Variants in ZNF521 observed in about 807,000 individuals in gnomAD.
ZNF521 encodes LYST-interacting protein 3.
In ZNF521, 14 loss-of-function variants were observed where a neutral mutation model predicts 105.5. The observed-to-expected ratio is 0.13, with a 90% CI of 0.09 to 0.21. The LOEUF is 0.21. Among genes scored for constraint, ZNF521 ranks in the 10% least tolerant of loss-of-function variants. The pLI is 1.00. For synonymous variants in ZNF521, 635 were observed against 606.0 expected, an observed-to-expected ratio of 1.05 and a Z score of -0.70; for missense variants, 1,233 against 1,629.7, an observed-to-expected ratio of 0.76 and a Z score of 4.19.
At chr18:25,250,707 A>C (rs1488024253) in intron 3 of ZNF521, among the ~76,000 whole-genome samples, 1 of 152,218 alleles carries the variant, frequency 6.6e-6, no homozygotes, top group Non-Finnish European at 1.5e-5. Context: ...CTGTTGATAT[A>C]TGAATTATAC....
At chr18:25,180,847 A>G (rs149287195) in intron 5 of ZNF521, among the ~76,000 whole-genome samples, 65 of 152,202 alleles carry the variant, frequency 4.3e-4, no homozygotes, top group Middle Eastern at 3.4e-3. Context: ...CAAAACAACA[A>G]CAACAACAAC....
chr18:25,347,176 A>T (rs1914499394), intron 2 of ZNF521, among the ~76,000 whole-genome samples: 1 of 152,216 alleles, frequency 6.6e-6, no homozygotes, highest in Admixed American at 6.5e-5. Flanking sequence ...ATTTTGAGTC[A>T]GGTAATCTAC....
chr18:25,178,046 TA>T (rs1217327824), intron 5 of ZNF521, among the ~76,000 whole-genome samples: 2 of 152,242 alleles, frequency 1.3e-5, no homozygotes, highest in African/African-American at 4.8e-5. Context: ...TGGCATCTAA[TA>T]AATTATCTCT....
At chr18:25,284,109 T>A (rs1220574585) in intron 3 of ZNF521, among the ~76,000 whole-genome samples, 2 of 152,110 alleles carry the variant, frequency 1.3e-5, no homozygotes, top group East Asian at 1.9e-4. Flanking sequence ...TCCCTCCTGA[T>A]AAGGTCAGGT....
chr18:25,287,430 C>A (rs541967217), intron 3 of ZNF521, among the ~76,000 whole-genome samples: 1 of 152,218 alleles, frequency 6.6e-6, no homozygotes, highest in African/African-American at 2.4e-5. Context: ...AACTTTACTG[C>A]ACTTATAAAA....
rs2032916526 is a variant in ZNF521 at position 25,062,301 on chromosome 18, A to G, written c.*411T>C. ...CTTGGATTTAAGCGCTGATATACCT[A>G]AAGAGAAATTCTAGGCTTAAGTGTA... On this transcript the variant is annotated 3_prime_UTR_variant, in exon 8 of 8. Coordinates refer to ENST00000361524, the MANE Select transcript of ZNF521 (RefSeq NM_015461.3). 4.2e-6 allele frequency: 1 copy of G among 236,536 alleles called. No homozygotes were observed. Among genetic ancestry groups the G allele is most frequent in the African/African-American group, 2.2e-5 (1 of 44,764 alleles). 14.7% of individuals were successfully genotyped at this position (236,536 alleles called of 1,614,324 possible). A position where few individuals can be genotyped will look rare whatever the true frequency, so the allele number is the denominator to read the frequency against.
Position 25,113,793 on chromosome 18 carries a change from C to CACACACACACACACACACACACACACAG in ZNF521, c.3659-21713_3659-21712insCTGTGTGTGTGTGTGTGTGTGTGTGTGT, listed in dbSNP as rs1053377440. Among the ~76,000 whole-genome samples, 423 of 147,178 alleles carry CACACACACACACACACACACACACACAG rather than the reference C, an allele frequency of 2.9e-3. 1 individual carries two copies. Among genetic ancestry groups the CACACACACACACACACACACACACACAG allele is most frequent in the Middle Eastern group, 0.019 (5 of 266 alleles). On this transcript the variant is annotated intron_variant, in intron 5 of 7. Transcript: ENST00000361524. The stretch of plus-strand genomic sequence containing the variant: ...ACACACACACACACACACACACACA[C>CACACACACACACACACACACACACACAG]AGAGACGGGGGAGAGAGCAGGGCCT...
In ZNF521 at chr18:25,342,113, A is replaced by T. The variant is rs116099128; in HGVS notation, c.40+8794T>A. ...GCTCTGCAACCATTTCCCTACAAGC[A>T]CTAGTATCCAAGTCACAATACTTAT... On this transcript the variant is annotated intron_variant, in intron 2 of 7. Coordinates refer to ENST00000361524, the MANE Select transcript of ZNF521 (RefSeq NM_015461.3). 7.0e-3 allele frequency among the ~76,000 whole-genome samples: 1,073 copies of T among 152,308 alleles called. 12 individuals carry two copies. The highest frequency in any genetic ancestry group is 0.024 in the African/African-American group (999 of 41,570).
Position 25,085,940 on chromosome 18 carries a change from A to G in ZNF521, c.3906+3525T>C, listed in dbSNP as rs183389065. Among the ~76,000 whole-genome samples the G allele has an allele frequency of 2.6e-5, 4 of 152,184 alleles. No homozygotes were observed. The East Asian group carries it at 7.7e-4, about 29-fold the overall frequency. On this transcript the variant is annotated intron_variant, in intron 7 of 7. Coordinates refer to ENST00000361524, the MANE Select transcript of ZNF521 (RefSeq NM_015461.3). ...AGAATGCTTATCCTAAACTTAACCT[A>G]TTATTCTCACCTTGATAGAAAAGCC... is the stretch of plus-strand genomic sequence containing the variant.
At chr18:25,165,562 T>A in intron 5 of ZNF521, among the ~76,000 whole-genome samples, 1 of 152,334 alleles carries the variant, frequency 6.6e-6, no homozygotes, top group South Asian at 2.1e-4. Flanking sequence ...GATGCTTGCT[T>A]GATACAGTGG....
At chr18:25,244,021 T>C (rs948889944) in intron 3 of ZNF521, among the ~76,000 whole-genome samples, 24 of 152,142 alleles carry the variant, frequency 1.6e-4, no homozygotes, top group African/African-American at 5.8e-4. Flanking sequence ...CAAACTTACA[T>C]GTGACACAGA....
chr18:25,146,035 G>T (rs1278716141), intron 5 of ZNF521, among the ~76,000 whole-genome samples: 1 of 152,076 alleles, frequency 6.6e-6, no homozygotes, highest in African/African-American at 2.4e-5. Flanking sequence ...GTTTTTAATA[G>T]ATTATTTTAC....
chr18:25,075,908 G>C lies in ZNF521; in HGVS notation c.3907-13167C>G, dbSNP rs148146552. On this transcript the variant is annotated intron_variant, in intron 7 of 7. Transcript: ENST00000361524. ...GGCTAGATTCCTAAGCTGCAATGCAGTGTGTGTCAGAACACACATCATTTC... is the reference window on the plus strand; with the variant it reads ...GGCTAGATTCCTAAGCTGCAATGCACTGTGTGTCAGAACACACATCATTTC... 4.6e-5 allele frequency among the ~76,000 whole-genome samples: 7 copies of C among 152,188 alleles called. No individual in the cohort carries two copies. The South Asian group carries it at 8.3e-4, about 18-fold the overall frequency.
chr18:25,271,642 A>T (rs920848183), intron 3 of ZNF521, among the ~76,000 whole-genome samples: 12 of 152,202 alleles, frequency 7.9e-5, no homozygotes, highest in African/African-American at 2.9e-4. Flanking sequence ...ATCTTTGACA[A>T]ACCTGACAAA....
chr18:25,188,277 G>A (rs1568000808), intron 5 of ZNF521, among the ~76,000 whole-genome samples: 1 of 152,238 alleles, frequency 6.6e-6, no homozygotes, highest in Non-Finnish European at 1.5e-5. Flanking sequence ...GGTGACCTAC[G>A]AAACCCCATC....
chr18:25,225,938 C>T lies in ZNF521; in HGVS notation c.1980G>A (p.Val660=). The stretch of plus-strand genomic sequence containing the variant: ...ACTGAGGACAGGTCAATTTTGGAAG[C>T]ACAGTGTCGAGATGAGTTTTTAGGT... ...QTHLKTHLDT[V]LPKLTCPQCN... The change falls in exon 4 of 8, where the codon GTG becomes GTA. Residue 660 remains valine, a synonymous_variant. Coordinates refer to ENST00000361524, the MANE Select transcript of ZNF521 (RefSeq NM_015461.3). The surrounding 1 kb of genome is among the most constrained non-coding windows in gnomAD (Gnocchi z 5.6). 1 of 1,614,056 alleles carries T rather than the reference C, an allele frequency of 6.2e-7. No homozygotes were observed. Among genetic ancestry groups the T allele is most frequent in the Non-Finnish European group, 8.5e-7 (1 of 1,180,016 alleles).
At chr18:25,255,996 G>C (rs551504286) in intron 3 of ZNF521, among the ~76,000 whole-genome samples, 11 of 144,344 alleles carry the variant, frequency 7.6e-5, no homozygotes, top group Admixed American at 3.5e-4. Flanking sequence ...GTATATATAT[G>C]GTATATATAT....
intron 5 of ZNF521, among the ~76,000 whole-genome samples, chr18:25,105,670 G>A (rs1567963673): frequency 6.6e-6 from 1 of 152,132 alleles, no homozygotes; most frequent in Non-Finnish European, 1.5e-5. Context: ...GTCCTAGGAA[G>A]AGCTTTACTG....
intron 3 of ZNF521, among the ~76,000 whole-genome samples, chr18:25,277,197 AG>A (rs1910090080): frequency 6.6e-6 from 1 of 151,946 alleles, no homozygotes; most frequent in African/African-American, 2.4e-5. Context: ...AAAAAAAAAA[AG>A]TGTATCTATT....
Sources: allele counts gnomAD v4.1 joint callset (sites outside exome capture counted in the v4.1 genomes callset), GRCh38; gene constraint gnomAD v4.1.1; non-coding constraint Gnocchi (gnomAD v3.1); transcripts MANE v1.5; gene names NCBI Gene and HGNC (gene_info 2026-07-23, HGNC 2026-07-21).